HTRA1: variants seen among roughly 807,000 people sequenced by gnomAD.
HTRA1 encodes the protein HtrA serine peptidase 1, also known as serine protease HTRA1.
Under a neutral mutation model 49.7 loss-of-function variants are expected in HTRA1, and 26 were observed. The observed-to-expected ratio is 0.52, with a 90% CI of 0.38 to 0.73. HTRA1 has a LOEUF of 0.73. Ranked by LOEUF, HTRA1 falls within the 30% of genes least tolerant of loss-of-function variation. The pLI is 0.00. For missense variants in HTRA1, 561 were observed against 667.2 expected, an observed-to-expected ratio of 0.84 and a Z score of 1.75; for synonymous variants, 291 against 286.9, an observed-to-expected ratio of 1.01 and a Z score of -0.14.
rs1473921735 is a variant in HTRA1 at position 122,487,184 on chromosome 10, C to T, written c.473-1718C>T. On this transcript the variant is annotated intron_variant, in intron 1 of 8. Transcript: ENST00000368984. The surrounding 1 kb of genome is among the most constrained non-coding windows in gnomAD (Gnocchi z 4.8). ...CTGTCAATTCGTAGTGAGCAGCTAG[C>T]AGAGGAGTGCGGGTCCCTGGAGCCT... Among the ~76,000 whole-genome samples the T allele has an allele frequency of 1.3e-5, 2 of 152,152 alleles. No individual in the cohort carries two copies. The highest frequency in any genetic ancestry group is 4.8e-5 in the African/African-American group (2 of 41,430).
intron 1 of HTRA1, among the ~76,000 whole-genome samples, chr10:122,462,924 A>G (rs1443103992): frequency 6.6e-6 from 1 of 152,218 alleles, no homozygotes; most frequent in Admixed American, 6.5e-5. Context: ...GACGGTGGTG[A>G]TGGGGGAAGG....
chr10:122,465,768 C>T (rs1303712354), intron 1 of HTRA1, among the ~76,000 whole-genome samples: 1 of 152,162 alleles, frequency 6.6e-6, no homozygotes, highest in Admixed American at 6.5e-5. Flanking sequence ...TGTTTCCAAG[C>T]CAGAGATCCA....
rs1269243053 is a variant in HTRA1, at chr10:122,506,236, G to A, written c.778-455G>A. The stretch of plus-strand genomic sequence containing the variant: ...GCCTCAGGACGGATGTGCACATGAT[G>A]AGTCGGGGCAGGTTTCACTGCCTGT... On this transcript the variant is annotated intron_variant, in intron 3 of 8. Transcript: ENST00000368984. This position sits in a 1 kb window ranked among gnomAD's most constrained non-coding sequence, Gnocchi z 5.2. Among the ~76,000 whole-genome samples, 1 of 152,184 alleles carries A rather than the reference G, an allele frequency of 6.6e-6. No individual in the cohort carries two copies. Among genetic ancestry groups the A allele is most frequent in the Admixed American group, 6.5e-5 (1 of 15,284 alleles).
intron 1 of HTRA1, among the ~76,000 whole-genome samples, chr10:122,465,690 C>T (rs1166534331): frequency 4.6e-5 from 7 of 152,170 alleles, no homozygotes; most frequent in Admixed American, 4.6e-4. Flanking sequence ...GACAAGGTTG[C>T]CTCCAGTTGC....
chr10:122,508,675 T>C lies in HTRA1; in HGVS notation c.1025T>C (p.Ile342Thr). 6.2e-7 allele frequency: 1 copy of C among 1,612,358 alleles called. No homozygotes were observed. The highest frequency in any genetic ancestry group is 8.5e-7 in the Non-Finnish European group (1 of 1,178,344). The change falls in exon 6 of 9, where the codon ATT (isoleucine) becomes ACT (threonine). Residue 342 changes from isoleucine to threonine, a missense_variant. Physicochemically the swap from Ile to Thr is moderately conservative, Grantham distance 89. Coordinates refer to ENST00000368984, the MANE Select transcript of HTRA1 (RefSeq NM_002775.5). ...TTTCAGGACGGTGAAGTGATTGGAA[T>C]TAACACTTTGAAAGTGACAGCTGGA... ...LVNLDGEVIG[I>T]NTLKVTAGIS...
chr10:122,470,209 C>T (rs1463192770), intron 1 of HTRA1, among the ~76,000 whole-genome samples: 1 of 152,170 alleles, frequency 6.6e-6, no homozygotes, highest in African/African-American at 2.4e-5. Flanking sequence ...CACTGAATTG[C>T]GGTCTCCATG....
rs566585106 is a variant in HTRA1, at chr10:122,494,346, G to A, written c.777+4720G>A. 4.6e-5 allele frequency among the ~76,000 whole-genome samples: 7 copies of A among 152,252 alleles called. No homozygotes were observed. The highest frequency in any genetic ancestry group is 2.1e-4 in the South Asian group (1 of 4,826). On this transcript the variant is annotated intron_variant, in intron 3 of 8. Transcript: ENST00000368984. This position sits in a 1 kb window ranked among gnomAD's most constrained non-coding sequence, Gnocchi z 4.0. ...GCACCCGCCACATGGATGGAATTGA[G>A]GGGAAGGCACCCGGGGCTCCTGCAT...
chr10:122,511,573 A>T (rs1412780213), intron 7 of HTRA1, among the ~76,000 whole-genome samples: 1 of 151,946 alleles, frequency 6.6e-6, no homozygotes, highest in African/African-American at 2.4e-5. Context: ...TTCTACTAAA[A>T]ATATAAAAAA....
chr10:122,505,046 C>T (rs2097502475), intron 3 of HTRA1, among the ~76,000 whole-genome samples: 1 of 152,252 alleles, frequency 6.6e-6, no homozygotes. Context: ...GCAAAACCAA[C>T]ACCTAGATGG....
At chr10:122,501,164 G>A (rs1046891259) in intron 3 of HTRA1, among the ~76,000 whole-genome samples, 1 of 152,176 alleles carries the variant, frequency 6.6e-6, no homozygotes, top group South Asian at 2.1e-4. Flanking sequence ...CCCATCCACA[G>A]GGTGGTGGGT....
intron 3 of HTRA1, among the ~76,000 whole-genome samples, chr10:122,501,223 C>G (rs2247541): frequency 6.6e-6 from 1 of 152,020 alleles, no homozygotes; most frequent in Non-Finnish European, 1.5e-5. Flanking sequence ...GGGAAGATGC[C>G]GGACACGCGC....
intron 1 of HTRA1, among the ~76,000 whole-genome samples, chr10:122,462,717 C>G (rs1022460819): frequency 5.9e-5 from 9 of 152,224 alleles, no homozygotes; most frequent in African/African-American, 1.9e-4. Context: ...GCTCTCGTTT[C>G]GGCGGCGTTG....
chr10:122,477,158 T>C (rs368268586), intron 1 of HTRA1, among the ~76,000 whole-genome samples: 5 of 151,714 alleles, frequency 3.3e-5, no homozygotes, highest in African/African-American at 1.2e-4. Context: ...TAGTAGAGAC[T>C]GGGTTTCACT....
intron 1 of HTRA1, among the ~76,000 whole-genome samples, chr10:122,468,371 A>G (rs541042024): frequency 4.6e-5 from 7 of 152,056 alleles, no homozygotes; most frequent in South Asian, 2.1e-4. Flanking sequence ...ATGCATTGCT[A>G]GAACTCAGGC....
chr10:122,512,002 A>C lies in HTRA1; in HGVS notation c.1211A>C (p.Asp404Ala). The change falls in exon 8 of 9, where the codon GAC (aspartate) becomes GCC (alanine). Residue 404 changes from aspartate (D) to alanine (A), a missense_variant. Transcript: ENST00000368984. ...KAKELKDRHR[D>A]FPDVISGAYI... ...AAAGAGCTGAAGGACCGGCACCGGG[A>C]CTTCCCAGACGTGATCTCAGGAGCG... The C allele has an allele frequency of 6.2e-7, 1 of 1,613,986 alleles. No homozygotes were observed. Among genetic ancestry groups the C allele is most frequent in the South Asian group, 1.1e-5 (1 of 91,074 alleles).
intron 1 of HTRA1, among the ~76,000 whole-genome samples, chr10:122,469,039 T>C (rs2097484996): frequency 6.6e-6 from 1 of 152,198 alleles, no homozygotes; most frequent in South Asian, 2.1e-4. Flanking sequence ...AGGATAATTA[T>C]GTCTCCTTGT....
intron 1 of HTRA1, among the ~76,000 whole-genome samples, chr10:122,462,898 C>T (rs1337415970): frequency 4.6e-5 from 7 of 152,274 alleles, no homozygotes; most frequent in Admixed American, 4.6e-4. Flanking sequence ...CACACAGGAC[C>T]TGTTCTGGCA....
chr10:122,489,399 G>A, intron 2 of HTRA1, 23 bp from the exon 3 acceptor site: 1 of 1,609,538 alleles, frequency 6.2e-7, no homozygotes, highest in Non-Finnish European at 8.5e-7. Flanking sequence ...ACAGGCTTAA[G>A]TGTGTACTCC....
intron 3 of HTRA1, among the ~76,000 whole-genome samples, chr10:122,496,237 T>TTTTG (rs2097498679): frequency 1.4e-5 from 1 of 71,138 alleles, no homozygotes; most frequent in Non-Finnish European, 2.8e-5. Context: ...TCTTTTTTTT[T>TTTTG]TTTTTTTTTT....
Sources: gnomAD v4.1 joint callset for allele counts (sites outside exome capture counted in the v4.1 genomes callset) on GRCh38, gnomAD v4.1.1 for gene constraint, Gnocchi (gnomAD v3.1) non-coding constraint, MANE v1.5 for transcripts, NCBI Gene and HGNC (gene_info 2026-07-23, HGNC 2026-07-21) for gene names.